RIPK4: variants seen among roughly 807,000 people sequenced by gnomAD.
RIPK4 encodes receptor-interacting serine/threonine-protein kinase 4.
In RIPK4, 17 loss-of-function variants were observed where a neutral mutation model predicts 42.9. The observed-to-expected ratio is 0.40, with a 90% CI of 0.27 to 0.59. The LOEUF is 0.59. Among genes scored for constraint, RIPK4 ranks in the 20% least tolerant of loss-of-function variants. The pLI, the probability that RIPK4 is intolerant of heterozygous loss-of-function variation, is 0.47. For synonymous variants in RIPK4, 498 were observed against 499.1 expected, an observed-to-expected ratio of 1.00 and a Z score of 0.03; for missense variants, 897 against 1,104.4, an observed-to-expected ratio of 0.81 and a Z score of 2.66.
chr21:41,749,937 G>T (rs1264104201), intron 3 of RIPK4, among the ~76,000 whole-genome samples: 2 of 148,740 alleles, frequency 1.3e-5, no homozygotes, highest in African/African-American at 5.0e-5. Context: ...TCCGAAAACT[G>T]AGCCTCCAAG....
At position 41,742,944 on chromosome 21, in the gene RIPK4, C is replaced by T. The variant is rs2061159144; in HGVS notation, c.1195+938G>A. ...CCATCACCCACTGCTTATCTGCCGT[C>T]GAACCAGGTCTTCCCCACTGTGTCT... On this transcript the variant is annotated intron_variant, in intron 7 of 7. Transcript: ENST00000332512. This position sits in a 1 kb window ranked among gnomAD's most constrained non-coding sequence, Gnocchi z 5.1. Among the ~76,000 whole-genome samples the T allele has an allele frequency of 6.6e-6, 1 of 152,224 alleles. No individual in the cohort carries two copies. The highest frequency in any genetic ancestry group is 2.4e-5 in the African/African-American group (1 of 41,448).
intron 5 of RIPK4, 135 bp from the exon 6 acceptor site, chr21:41,745,997 CCCAGGGG>C (rs1453256151): frequency 2.5e-6 from 2 of 796,288 alleles, no homozygotes; most frequent in African/African-American, 3.4e-5. Flanking sequence ...ACCAGGCAAG[CCCAGGGG>C]CCCTACATGG....
intron 2 of RIPK4, among the ~76,000 whole-genome samples, chr21:41,754,867 T>C (rs3787953): frequency 0.14 from 22,012 of 152,238 alleles, 1,731 homozygotes; most frequent in Middle Eastern, 0.21. Context: ...TCAAGGTCTC[T>C]GCTCCGTGAC....
chr21:41,752,295 C>T (rs961856364), intron 2 of RIPK4, among the ~76,000 whole-genome samples: 9 of 152,208 alleles, frequency 5.9e-5, no homozygotes, highest in Admixed American at 1.3e-4. Context: ...GGAAATGAGG[C>T]TGAGTCAGGC....
At chr21:41,754,699 C>T (rs1298944622) in intron 2 of RIPK4, among the ~76,000 whole-genome samples, 2 of 152,250 alleles carry the variant, frequency 1.3e-5, no homozygotes, top group Non-Finnish European at 2.9e-5. Context: ...AAGCCCCACC[C>T]TGTGTGAAGG....
chr21:41,741,638 T>C lies in RIPK4; in HGVS notation c.1555A>G (p.Ser519Gly). 5.6e-6 allele frequency: 9 copies of C among 1,613,558 alleles called. No individual in the cohort carries two copies. The highest frequency in any genetic ancestry group is 7.6e-6 in the Non-Finnish European group (9 of 1,180,018). The change falls in exon 8 of 8, where the codon AGC becomes GGC. Residue 519 changes from serine (S) to glycine (G), a missense_variant. By Grantham distance (56) the Ser-to-Gly change is moderately conservative. Transcript: ENST00000332512. Reference protein sequence around the residue: ...HFAAQNGDESSTRLLLEKNAS... With the variant: ...HFAAQNGDESGTRLLLEKNAS... The stretch of plus-strand genomic sequence containing the variant: ...TTCTTCTCCAACAGCAGCCGTGTGC[T>C]AGACTCGTCCCCGTTCTGGGCTGCA...
chr21:41,743,517 G>A (rs1006401422), intron 7 of RIPK4, among the ~76,000 whole-genome samples: 4 of 152,198 alleles, frequency 2.6e-5, no homozygotes, highest in Non-Finnish European at 2.9e-5. Flanking sequence ...CAGAGGGTGC[G>A]GGACTGCCAC....
In RIPK4 at chr21:41,739,986, C is replaced by T. The variant is rs2061147283; in HGVS notation, c.*852G>A. ...GCACCTCTTCCCCAAGACTGGTGCACTCCAGCGACCTGAGGGGGCTCGCCT... is the reference window on the plus strand; with the variant it reads ...GCACCTCTTCCCCAAGACTGGTGCATTCCAGCGACCTGAGGGGGCTCGCCT... On this transcript the variant is annotated 3_prime_UTR_variant, in exon 8 of 8. Transcript: ENST00000332512. The T allele has an allele frequency of 6.6e-6, 1 of 152,246 alleles. No individual in the cohort carries two copies. The highest frequency in any genetic ancestry group is 1.5e-5 in the Non-Finnish European group (1 of 68,056). The allele number at this position is 152,246 out of a possible 1,614,324, so 9.4% of individuals were successfully genotyped here.
chr21:41,741,483 G>C lies in RIPK4; in HGVS notation c.1710C>G (p.Ala570=). The C allele has an allele frequency of 6.2e-7, 1 of 1,612,652 alleles. No homozygotes were observed. Residue 570 remains alanine, a synonymous_variant, in exon 8 of 8, where the codon GCC becomes GCG. Coordinates refer to ENST00000332512, the MANE Select transcript of RIPK4 (RefSeq NM_020639.3). ...AGGCAGCGTAGTGCAGTGGCAGCCA[G>C]GCATCCTTGCCCTGCAGGCTCACGT... ...GVDVSLQGKD[A]WLPLHYAAWQ...
rs756206241 is a variant in RIPK4 at position 41,741,841 on chromosome 21, T to TCTTGCC, written c.1346_1351dup (p.Gly449_Gln450dup). The TCTTGCC allele has an allele frequency of 6.2e-7, 1 of 1,612,122 alleles. No individual in the cohort carries two copies. The highest frequency in any genetic ancestry group is 2.2e-5 in the East Asian group (1 of 44,876). On this transcript the variant is annotated inframe_insertion, in exon 8 of 8. Transcript: ENST00000332512. ...GAGCAGCAGCCACTTGGCGCACTCC[T>TCTTGCC]CTTGCCCGGCCTCCACCGCCAGGTG...
intron 2 of RIPK4, among the ~76,000 whole-genome samples, chr21:41,753,085 T>A (rs2061193182): frequency 6.6e-6 from 1 of 152,064 alleles, no homozygotes; most frequent in African/African-American, 2.4e-5. Flanking sequence ...AGGAAAAAAA[T>A]ATCTCCCTCC....
intron 4 of RIPK4, 115 bp from the exon 5 acceptor site, chr21:41,746,886 C>T: frequency 8.4e-7 from 1 of 1,190,856 alleles, no homozygotes; most frequent in Non-Finnish European, 1.2e-6. Flanking sequence ...CCCACACCAC[C>T]CCAGGGAGAC....
intron 4 of RIPK4, 135 bp downstream of exon 4, chr21:41,749,019 A>G (rs2061180168): frequency 5.6e-6 from 5 of 885,844 alleles, no homozygotes; most frequent in East Asian, 5.3e-5. Context: ...CCTGCATGCA[A>G]ATTACACCAC....
At chr21:41,758,305 G>A (rs1369654112) in intron 1 of RIPK4, among the ~76,000 whole-genome samples, 1 of 151,944 alleles carries the variant, frequency 6.6e-6, no homozygotes, top group Non-Finnish European at 1.5e-5. Flanking sequence ...ATTCATATAA[G>A]CATAAGCATA....
At position 41,756,525 on chromosome 21, in the gene RIPK4, C is replaced by G; in HGVS notation, c.474G>C (p.Lys158Asn). Reference protein sequence around the residue: ...NILLDAHYHVKISDFGLAKCN... With the variant: ...NILLDAHYHVNISDFGLAKCN... The stretch of plus-strand genomic sequence containing the variant: ...TCTCGGGCACCGTGCGGCCCCCCAC[C>G]TTGACGTGGTAGTGGGCATCCAGCA... Residue 158 changes from lysine to asparagine, a missense_variant and splice_region_variant, in exon 2 of 8, where the codon AAG becomes AAC. By Grantham distance (94) the Lys-to-Asn change is moderately conservative. Coordinates refer to ENST00000332512, the MANE Select transcript of RIPK4 (RefSeq NM_020639.3). The G allele has an allele frequency of 6.2e-7, 1 of 1,611,648 alleles. No individual in the cohort carries two copies. The highest frequency in any genetic ancestry group is 8.5e-7 in the Non-Finnish European group (1 of 1,178,848).
At chr21:41,758,371 T>C (rs1377177825) in intron 1 of RIPK4, among the ~76,000 whole-genome samples, 1 of 152,220 alleles carries the variant, frequency 6.6e-6, no homozygotes, top group East Asian at 1.9e-4. Flanking sequence ...TCAGGGTCTA[T>C]TCACACTGTA....
intron 3 of RIPK4, among the ~76,000 whole-genome samples, chr21:41,750,811 G>C (rs2061186185): frequency 6.6e-6 from 1 of 152,116 alleles, no homozygotes; most frequent in Non-Finnish European, 1.5e-5. Context: ...CCGAGTAGCT[G>C]GGACTACAGG....
intron 5 of RIPK4, 55 bp downstream of exon 5, chr21:41,746,558 C>A (rs982749754): frequency 1.4e-5 from 22 of 1,594,506 alleles, no homozygotes; most frequent in Middle Eastern, 4.2e-4. Context: ...CTGTCTGTCA[C>A]CTCTGTCTCC....
At chr21:41,745,396 T>G (rs913747899) in intron 6 of RIPK4, among the ~76,000 whole-genome samples, 3 of 152,172 alleles carry the variant, frequency 2.0e-5, no homozygotes, top group African/African-American at 7.2e-5. Context: ...TGGGCAGCTA[T>G]AAAGGAACTG....
Sources: allele counts gnomAD v4.1 joint callset (sites outside exome capture counted in the v4.1 genomes callset), GRCh38; gene constraint gnomAD v4.1.1; non-coding constraint Gnocchi (gnomAD v3.1); transcripts MANE v1.5; gene names NCBI Gene and HGNC (gene_info 2026-07-23, HGNC 2026-07-21).